The following ODAD1 variants were observed in gnomAD, a reference collection of about 807,000 sequenced individuals.
ODAD1 encodes the protein outer dynein arm docking complex subunit 1.
In ODAD1, 49 loss-of-function variants were observed where a neutral mutation model predicts 67.2. That is an observed-to-expected ratio of 0.73 (90% CI 0.58 to 0.92). ODAD1 has a LOEUF of 0.92. ODAD1 is among the 40% of genes least tolerant of loss of function. The pLI, the probability that ODAD1 is intolerant of heterozygous loss-of-function variation, is 0.00. For synonymous variants in ODAD1, 345 were observed against 393.7 expected (o/e 0.88, Z 1.46); for missense variants, 897 against 953.7 (o/e 0.94, Z 0.78).
chr19:48,316,756 G>C (rs567160572), intron 5 of ODAD1, among the ~76,000 whole-genome samples: 2 of 152,140 alleles, frequency 1.3e-5, no homozygotes, highest in African/African-American at 4.8e-5. Flanking sequence ...CCAGCACTTT[G>C]GGAGGCCACG....
intron 12 of ODAD1, among the ~76,000 whole-genome samples, chr19:48,298,853 C>T (rs959487840): frequency 6.6e-6 from 1 of 152,196 alleles, no homozygotes; most frequent in Non-Finnish European, 1.5e-5. Context: ...CAGGGCCTCT[C>T]CCCACTGTGC....
intron 12 of ODAD1, among the ~76,000 whole-genome samples, chr19:48,298,675 A>C (rs1968373885): frequency 6.6e-6 from 1 of 152,174 alleles, no homozygotes; most frequent in African/African-American, 2.4e-5. Context: ...TCCTATCTTG[A>C]AAATCTCAGC....
intron 3 of ODAD1, 166 bp downstream of exon 3, chr19:48,320,133 C>T: frequency 2.1e-6 from 2 of 957,612 alleles, no homozygotes; most frequent in Non-Finnish European, 1.3e-6. Context: ...CCAGGCTTGG[C>T]CCACCCACCG....
At chr19:48,307,438 T>C (rs913659105) in intron 7 of ODAD1, among the ~76,000 whole-genome samples, 11 of 151,918 alleles carry the variant, frequency 7.2e-5, no homozygotes, top group Admixed American at 2.6e-4. Flanking sequence ...AAAACATAAA[T>C]AGAATTTTAA....
intron 1 of ODAD1, 111 bp downstream of exon 1, chr19:48,321,566 GC>G (rs1600878678): frequency 2.8e-6 from 1 of 351,182 alleles, no homozygotes; most frequent in Non-Finnish European, 5.1e-6. Flanking sequence ...CTTACGAGGG[GC>G]CCGGTGGAAG....
Position 48,297,654 on chromosome 19 carries a change from C to A in ODAD1, c.1517G>T (p.Gly506Val). ...GGGGTAGTCATCGCTGGCCTCAAAA[C>A]CCGGGGGGTCTTCTCTGGGGAGGGG... ...QPPDTLEDPP[G>V]FEASDDYPMS... Residue 506 changes from glycine to valine, a missense_variant, in exon 15 of 16, where the codon GGT becomes GTT. Physicochemically the swap from Gly to Val is moderately radical, Grantham distance 109 (BLOSUM62 -3). Coordinates refer to ENST00000674294, the MANE Select transcript of ODAD1 (RefSeq NM_001364171.2). The A allele has an allele frequency of 1.3e-6, 2 of 1,515,912 alleles. No homozygotes were observed. Among genetic ancestry groups the A allele is most frequent in the Non-Finnish European group, 8.8e-7 (1 of 1,133,834 alleles). The allele number at this position is 1,515,912 out of a possible 1,614,324, so 93.9% of individuals were successfully genotyped here.
chr19:48,318,779 C>T lies in ODAD1; in HGVS notation c.104G>A (p.Cys35Tyr), dbSNP rs1191315447. 1.9e-6 allele frequency: 3 copies of T among 1,551,236 alleles called. No individual in the cohort carries two copies. The South Asian group carries it at 3.6e-5, about 18-fold the overall frequency. Residue 35 changes from cysteine to tyrosine, a missense_variant, in exon 4 of 16, where the codon TGC becomes TAC. Transcript: ENST00000674294. ...CCGCCTCTCCCCTTCCATCACTTTG[C>T]ATTGTCGCTGCAGCCTACTCAGCTC... The part of the protein sequence containing the change: ...DWELSRLQRQ[C>Y]KVMEGERRAY...
chr19:48,320,472 C>G, intron 2 of ODAD1, 81 bp from the exon 3 acceptor site: 1 of 751,844 alleles, frequency 1.3e-6, no homozygotes, highest in Non-Finnish European at 1.9e-6. Context: ...CTGCGAGGGA[C>G]TGGGAATTGA....
chr19:48,303,948 C>T lies in ODAD1; in HGVS notation c.853+5G>A. On this transcript the variant is annotated splice_donor_5th_base_variant and intron_variant, in intron 9 of 15. Coordinates refer to ENST00000674294, the MANE Select transcript of ODAD1 (RefSeq NM_001364171.2). ...GAGATGCAAAGGCAGCAGCCCCAGC[C>T]TCACCCTGCTTTTCACGCTTCTCCA... 1 of 1,613,212 alleles carries T rather than the reference C, an allele frequency of 6.2e-7. No individual in the cohort carries two copies. Among genetic ancestry groups the T allele is most frequent in the South Asian group, 1.1e-5 (1 of 91,028 alleles).
chr19:48,298,323 T>G lies in ODAD1; in HGVS notation c.1258A>C (p.Thr420Pro). 3 of 1,614,066 alleles carry G rather than the reference T, an allele frequency of 1.9e-6. No homozygotes were observed. Among genetic ancestry groups the G allele is most frequent in the Non-Finnish European group, 2.5e-6 (3 of 1,179,978 alleles). ...ATGCTGCTGTCGCAATGGGCCTTGG[T>G]GAAGAGGAGCTGGATATCTGCGTCA... ...KLKADIQLLF[T>P]KAHCDSSMID... The change falls in exon 13 of 16, where the codon ACC becomes CCC. Residue 420 changes from threonine to proline, a missense_variant. By Grantham distance (38) the Thr-to-Pro change is conservative. Transcript: ENST00000674294.
Position 48,304,077 on chromosome 19 carries a change from G to T in ODAD1, c.729C>A (p.Ser243Arg). The stretch of plus-strand genomic sequence containing the variant: ...GCTGCAGGACCTGCGCCTCCATCTC[G>T]CTCTGGGCCTCCTCTTTCTCCGCGC... ...RERAEKEEAQ[S>R]EMEAQVLQRQ... The change falls in exon 9 of 16, where the codon AGC becomes AGA. Residue 243 changes from serine (S) to arginine (R), a missense_variant. Coordinates refer to ENST00000674294, the MANE Select transcript of ODAD1 (RefSeq NM_001364171.2). 6.2e-7 allele frequency: 1 copy of T among 1,614,066 alleles called. No homozygotes were observed. The highest frequency in any genetic ancestry group is 8.5e-7 in the Non-Finnish European group (1 of 1,179,972).
chr19:48,304,942 C>T (rs940227537), intron 8 of ODAD1, among the ~76,000 whole-genome samples: 3 of 152,082 alleles, frequency 2.0e-5, no homozygotes, highest in Admixed American at 1.3e-4. Context: ...AGAAGTGGTG[C>T]GGTTGCACGG....
intron 5 of ODAD1, among the ~76,000 whole-genome samples, chr19:48,313,070 T>C (rs943380800): frequency 1.3e-5 from 2 of 152,134 alleles, no homozygotes; most frequent in African/African-American, 4.8e-5. Context: ...GCAGACTAAA[T>C]AGATAAATGA....
At position 48,298,029 on chromosome 19, in the gene ODAD1, C is replaced by A. The variant is rs978861683; in HGVS notation, c.1473G>T (p.Lys491Asn). 1.9e-6 allele frequency: 3 copies of A among 1,613,480 alleles called. No individual in the cohort carries two copies. The highest frequency in any genetic ancestry group is 1.3e-5 in the African/African-American group (1 of 75,024). Residue 491 changes from lysine to asparagine, a missense_variant, in exon 14 of 16, where the codon AAG becomes AAT. Coordinates refer to ENST00000674294, the MANE Select transcript of ODAD1 (RefSeq NM_001364171.2). ...LGQSLEDLPK[K>N]MAPLQPPDTL... ...TGTCAGGGGGCTGAAGTGGGGCCATCTTCTTCGGAAGGTCCTCCAGGCTCT... is the reference window on the plus strand; with the variant it reads ...TGTCAGGGGGCTGAAGTGGGGCCATATTCTTCGGAAGGTCCTCCAGGCTCT...
chr19:48,300,246 T>G (rs1375753900), intron 12 of ODAD1, among the ~76,000 whole-genome samples: 2 of 152,058 alleles, frequency 1.3e-5, no homozygotes, highest in East Asian at 3.8e-4. Flanking sequence ...GAGGTTGCAG[T>G]GAGCCGAGAT....
intron 8 of ODAD1, among the ~76,000 whole-genome samples, chr19:48,305,625 C>T (rs994356098): frequency 6.6e-6 from 1 of 151,918 alleles, no homozygotes; most frequent in African/African-American, 2.4e-5. Flanking sequence ...AGGCTGGTCT[C>T]GAACTCCTGA....
chr19:48,308,235 C>T (rs1968668383), intron 7 of ODAD1, among the ~76,000 whole-genome samples: 1 of 151,476 alleles, frequency 6.6e-6, no homozygotes, highest in African/African-American at 2.4e-5. Context: ...AGTGCAATGG[C>T]ACAATCTTGG....
At chr19:48,302,464 A>G (rs1053148944) in intron 12 of ODAD1, among the ~76,000 whole-genome samples, 2 of 150,382 alleles carry the variant, frequency 1.3e-5, no homozygotes, top group Admixed American at 6.6e-5. Flanking sequence ...ATGCATTGAT[A>G]GATGGATGGA....
Position 48,297,544 on chromosome 19 carries a change from G to GAT in ODAD1, c.1582-27_1582-26insAT, listed in dbSNP as rs747713306. On this transcript the variant is annotated intron_variant, in intron 15 of 15. Transcript: ENST00000674294. ...CTGCAGGGAAGGTGAACTGGGCCCC[G>GAT]ACACACACTGAGGCCTGGCCCCACC... 6.3e-5 allele frequency: 101 copies of GAT among 1,596,464 alleles called. 1 individual carries two copies. The highest frequency in any genetic ancestry group is 8.4e-5 in the Non-Finnish European group (98 of 1,171,550).
Sources: gnomAD v4.1 joint callset for allele counts (sites outside exome capture counted in the v4.1 genomes callset) on GRCh38, gnomAD v4.1.1 for gene constraint, MANE v1.5 for transcripts, NCBI Gene and HGNC (gene_info 2026-07-23, HGNC 2026-07-21) for gene names.